ZMAT4: variants seen among roughly 807,000 people sequenced by gnomAD.
The protein encoded by ZMAT4 is zinc finger matrin-type 4.
ZMAT4 carries 17 observed loss-of-function variants against 28.7 expected under a neutral mutation model. That is an observed-to-expected ratio of 0.59 (90% CI 0.41 to 0.89). The LOEUF (loss-of-function observed/expected upper bound fraction) is 0.89, where lower values mean the gene tolerates loss of function less well. ZMAT4 is among the 40% of genes least tolerant of loss of function. The pLI is 0.00. For missense variants in ZMAT4, 240 were observed against 283.8 expected (o/e 0.85, Z 1.11); for synonymous variants, 117 against 109.2 (o/e 1.07, Z -0.44).
chr8:40,535,466 C>T (rs998758411), intron 6 of ZMAT4, among the ~76,000 whole-genome samples: 6 of 151,976 alleles, frequency 3.9e-5, no homozygotes, highest in African/African-American at 9.7e-5. Context: ...GTCAAGAGAT[C>T]GAGACCATCC....
In ZMAT4 at chr8:40,789,493, A is replaced by T. The variant is rs143076999; in HGVS notation, c.103-21763T>A. Among the ~76,000 whole-genome samples, 833 of 152,332 alleles carry T rather than the reference A, an allele frequency of 5.5e-3. 11 individuals are homozygous for T. The highest frequency in any genetic ancestry group is 0.019 in the African/African-American group (787 of 41,586). Reference sequence around the variant, plus strand: ...GACCATATATAAAAACAAAAATTAGATAACACAACAGGGTGACTAGAGTCA... The same window carrying T: ...GACCATATATAAAAACAAAAATTAGTTAACACAACAGGGTGACTAGAGTCA... On this transcript the variant is annotated intron_variant, in intron 2 of 6. Coordinates refer to ENST00000297737, the MANE Select transcript of ZMAT4 (RefSeq NM_024645.3).
Position 40,545,596 on chromosome 8 carries a change from G to A in ZMAT4, c.675-13358C>T, listed in dbSNP as rs556697597. Among the ~76,000 whole-genome samples the A allele has an allele frequency of 4.7e-4, 72 of 152,230 alleles. 1 individual carries two copies. The South Asian group carries it at 0.015, about 31-fold the overall frequency. ...GAAAAGGACAAATTTGGGCATAGAA[G>A]AGCATGTACAAGAAGAAAGCCATGT... On this transcript the variant is annotated intron_variant, in intron 6 of 6. Transcript: ENST00000297737.
chr8:40,675,141 T>A (rs889904813), intron 4 of ZMAT4, among the ~76,000 whole-genome samples: 4 of 152,192 alleles, frequency 2.6e-5, no homozygotes, highest in African/African-American at 9.7e-5. Context: ...GATCAGAGTT[T>A]GCATGTCGTT....
chr8:40,808,402 A>G (rs569655960), intron 2 of ZMAT4: 24 of 320,632 alleles, frequency 7.5e-5, no homozygotes, highest in African/African-American at 5.3e-4. Flanking sequence ...AAAAAAAGAC[A>G]GCATATTTTG....
Position 40,891,694 on chromosome 8 carries a change from C to T in ZMAT4, c.-5+5989G>A, listed in dbSNP as rs114657419. Among the ~76,000 whole-genome samples, 316 of 152,236 alleles carry T rather than the reference C, an allele frequency of 2.1e-3. 1 individual carries two copies. Among genetic ancestry groups the T allele is most frequent in the African/African-American group, 7.2e-3 (301 of 41,574 alleles). ...AACCCCTCTTCCTTCTGGTAGATCCCCTAGTGCCTACCTCCGTGCTGGGCA... is the reference window on the plus strand; with the variant it reads ...AACCCCTCTTCCTTCTGGTAGATCCTCTAGTGCCTACCTCCGTGCTGGGCA... On this transcript the variant is annotated intron_variant, in intron 1 of 6. Transcript: ENST00000297737.
chr8:40,669,748 G>A (rs1808591290), intron 5 of ZMAT4, among the ~76,000 whole-genome samples: 1 of 152,128 alleles, frequency 6.6e-6, no homozygotes, highest in Non-Finnish European at 1.5e-5. Flanking sequence ...AAGTTTTTGA[G>A]GAGTCAAAAG....
chr8:40,810,657 G>A (rs930571006), intron 2 of ZMAT4, among the ~76,000 whole-genome samples: 2 of 152,118 alleles, frequency 1.3e-5, no homozygotes, highest in African/African-American at 4.8e-5. Flanking sequence ...ATCTAATAGT[G>A]GAAAGGGCTT....
intron 3 of ZMAT4, among the ~76,000 whole-genome samples, chr8:40,749,740 A>T (rs1014417973): frequency 2.0e-5 from 3 of 152,198 alleles, no homozygotes; most frequent in Admixed American, 1.3e-4. Flanking sequence ...TGTTCTTAAA[A>T]ATAAAGAAAT....
chr8:40,615,202 T>A (rs1805954166), intron 5 of ZMAT4, among the ~76,000 whole-genome samples: 1 of 152,160 alleles, frequency 6.6e-6, no homozygotes, highest in South Asian at 2.1e-4. Flanking sequence ...TTTGGCTGGA[T>A]ATGAAATTCT....
intron 3 of ZMAT4, among the ~76,000 whole-genome samples, chr8:40,713,836 G>T (rs1810728476): frequency 6.7e-6 from 1 of 149,552 alleles, no homozygotes. Context: ...TTGAACCCAG[G>T]AGGTGGAGGT....
chr8:40,676,962 C>T (rs1456012211), intron 4 of ZMAT4, among the ~76,000 whole-genome samples: 1 of 152,150 alleles, frequency 6.6e-6, no homozygotes, highest in East Asian at 1.9e-4. Flanking sequence ...GTAATTGAAT[C>T]TCACTTTCAA....
intron 5 of ZMAT4, among the ~76,000 whole-genome samples, chr8:40,665,651 G>C (rs1808381655): frequency 6.6e-6 from 1 of 152,068 alleles, no homozygotes; most frequent in Non-Finnish European, 1.5e-5. Flanking sequence ...CTATACTTCA[G>C]TTCAAAGCAA....
At chr8:40,586,616 A>G (rs1244964410) in intron 5 of ZMAT4, among the ~76,000 whole-genome samples, 2 of 152,218 alleles carry the variant, frequency 1.3e-5, no homozygotes, top group Non-Finnish European at 2.9e-5. Flanking sequence ...TTTGTTAAAC[A>G]TATGGTCCTG....
chr8:40,551,538 A>T (rs978206438), intron 6 of ZMAT4, among the ~76,000 whole-genome samples: 9 of 152,312 alleles, frequency 5.9e-5, no homozygotes, highest in Non-Finnish European at 8.8e-5. Flanking sequence ...CTGGATGATC[A>T]AGAAAGGTAG....
intron 1 of ZMAT4, among the ~76,000 whole-genome samples, chr8:40,838,078 A>G (rs1371357518): frequency 1.3e-5 from 2 of 152,214 alleles, no homozygotes; most frequent in East Asian, 1.9e-4. Flanking sequence ...ACCTCGCCAG[A>G]GATGACAGAC....
chr8:40,540,931 G>T (rs1803010217), intron 6 of ZMAT4, among the ~76,000 whole-genome samples: 1 of 152,166 alleles, frequency 6.6e-6, no homozygotes, highest in African/African-American at 2.4e-5. Context: ...GCATATGGCA[G>T]ATGCAGTTCA....
In ZMAT4 at chr8:40,554,085, C is replaced by T. The variant is rs148350576; in HGVS notation, c.675-21847G>A. Among the ~76,000 whole-genome samples the T allele has an allele frequency of 9.0e-3, 1,369 of 152,178 alleles. 26 individuals are homozygous for T. The highest frequency in any genetic ancestry group is 0.032 in the African/African-American group (1,320 of 41,536). On this transcript the variant is annotated intron_variant, in intron 6 of 6. Coordinates refer to ENST00000297737, the MANE Select transcript of ZMAT4 (RefSeq NM_024645.3). ...ATCATATCATAGCATATCAAAGTCA[C>T]CACAGTCTGGTTTTAGTATTTCTGT...
chr8:40,829,515 T>C (rs1284797915), intron 1 of ZMAT4, among the ~76,000 whole-genome samples: 1 of 152,146 alleles, frequency 6.6e-6, no homozygotes, highest in Non-Finnish European at 1.5e-5. Flanking sequence ...GTATCAGGAA[T>C]AAAGGAAGCA....
In ZMAT4 at chr8:40,689,785, A is replaced by G. The variant is rs555530188; in HGVS notation, c.349+7460T>C. Among the ~76,000 whole-genome samples the G allele has an allele frequency of 1.1e-4, 16 of 152,170 alleles. No homozygotes were observed. In the South Asian group the frequency reaches 2.5e-3, roughly 24 times the overall value. On this transcript the variant is annotated intron_variant, in intron 4 of 6. Transcript: ENST00000297737. ...CTGTTGACAGTTTCAGAGTATGCAC[A>G]GGAAATTGATTATTTTATTGTTCTA...
Sources: gnomAD v4.1 joint callset for allele counts (sites outside exome capture counted in the v4.1 genomes callset) on GRCh38, gnomAD v4.1.1 for gene constraint, MANE v1.5 for transcripts, NCBI Gene and HGNC (gene_info 2026-07-23, HGNC 2026-07-21) for gene names.